LUC7L3: variants seen among roughly 807,000 people sequenced by gnomAD.
LUC7L3 encodes the protein LUC7 like 3 pre-mRNA splicing factor, also known as luc7-like protein 3.
Under a neutral mutation model 66.8 loss-of-function variants are expected in LUC7L3, and 6 were observed. That is an observed-to-expected ratio of 0.09 (90% CI 0.05 to 0.18). The LOEUF is 0.18. Ranked by LOEUF, LUC7L3 falls within the 10% of genes least tolerant of loss-of-function variation. LUC7L3 has a pLI of 1.00. For synonymous variants in LUC7L3, 160 were observed against 174.7 expected (o/e 0.92, Z 0.66); for missense variants, 341 against 531.1 (o/e 0.64, Z 3.52).
At chr17:50,727,406 G>A (rs150024484) in intron 1 of LUC7L3, among the ~76,000 whole-genome samples, 1 of 152,324 alleles carries the variant, frequency 6.6e-6, no homozygotes, top group Non-Finnish European at 1.5e-5. Context: ...CATGGCTAGA[G>A]TGCCAGGCTC....
intron 5 of LUC7L3, among the ~76,000 whole-genome samples, chr17:50,743,457 T>C (rs1393004025): frequency 2.0e-5 from 3 of 152,088 alleles, no homozygotes; most frequent in East Asian, 3.9e-4. Flanking sequence ...CTGCCCACCT[T>C]GGCCTCCCAA....
rs370919781 is a variant in LUC7L3 at position 50,750,542 on chromosome 17, G to A, written c.1180G>A (p.Gly394Ser). The change falls in exon 10 of 10, where the codon GGT becomes AGT. Residue 394 changes from glycine to serine, a missense_variant. By Grantham distance (56) the Gly-to-Ser change is moderately conservative. Around this residue, in one of 6 missense-constraint regions of LUC7L3, gnomAD observed 210 missense variants for 238.1 expected, o/e 0.88. Transcript: ENST00000505658. ...SDDKKSSVKS[G>S]SREKQSEDTN... ...TGATAAAAAAAGTAGTGTGAAGTCC[G>A]GTAGTCGAGAAAAGCAGAGTGAAGA... 6.2e-6 allele frequency: 10 copies of A among 1,613,934 alleles called. No homozygotes were observed. In the African/African-American group the frequency reaches 6.7e-5, roughly 11 times the overall value.
chr17:50,744,187 T>A (rs1036851869), intron 6 of LUC7L3, among the ~76,000 whole-genome samples: 61 of 152,252 alleles, frequency 4.0e-4, no homozygotes, highest in African/African-American at 1.4e-3. Flanking sequence ...CTAATTCTTT[T>A]AATTGGAGAA....
intron 1 of LUC7L3, among the ~76,000 whole-genome samples, chr17:50,731,832 A>T (rs1444582201): frequency 6.6e-6 from 1 of 152,204 alleles, no homozygotes; most frequent in Non-Finnish European, 1.5e-5. Context: ...GGCATGTGTT[A>T]TTTGGTTTAC....
chr17:50,746,859 T>G (rs1026390266), intron 9 of LUC7L3, among the ~76,000 whole-genome samples, 157 bp downstream of exon 9: 2 of 152,202 alleles, frequency 1.3e-5, no homozygotes, highest in African/African-American at 4.8e-5. Context: ...TTTCCCCCTC[T>G]CCTACTTAGA....
At chr17:50,738,055 G>A (rs1970093557) in intron 2 of LUC7L3, 1 of 418,690 alleles carries the variant, frequency 2.4e-6, no homozygotes, top group South Asian at 1.7e-5. Flanking sequence ...ATGTAAAACA[G>A]AGTAAATGAA....
intron 3 of LUC7L3, 126 bp downstream of exon 3, chr17:50,740,471 G>T: frequency 1.2e-6 from 1 of 845,496 alleles, no homozygotes; most frequent in South Asian, 1.7e-5. Flanking sequence ...CAGTGGCTGG[G>T]GATAGTAAGA....
At chr17:50,749,146 C>A in intron 9 of LUC7L3, 1 of 1,161,568 alleles carries the variant, frequency 8.6e-7, no homozygotes, top group Non-Finnish European at 1.1e-6. Flanking sequence ...TTCCTTTTTT[C>A]ATCCATAGCC....
chr17:50,734,702 A>G (rs1969862509), intron 1 of LUC7L3, among the ~76,000 whole-genome samples: 1 of 152,236 alleles, frequency 6.6e-6, no homozygotes. Flanking sequence ...AGAAAACAGT[A>G]GAAAGATACT....
At chr17:50,742,402 A>G (rs780657649) in intron 5 of LUC7L3, among the ~76,000 whole-genome samples, 7 of 152,072 alleles carry the variant, frequency 4.6e-5, no homozygotes, top group East Asian at 3.8e-4. Flanking sequence ...TTTGTCACCC[A>G]TGCTGGAGTG....
intron 6 of LUC7L3, 104 bp from the exon 7 acceptor site, chr17:50,744,548 G>A (rs1279568683): frequency 9.5e-7 from 1 of 1,047,130 alleles, no homozygotes; most frequent in Non-Finnish European, 1.4e-6. Context: ...AAATGGAAAA[G>A]AGCAATTCAC....
chr17:50,739,080 C>T (rs1970178304), intron 2 of LUC7L3, among the ~76,000 whole-genome samples: 2 of 152,090 alleles, frequency 1.3e-5, no homozygotes, highest in Non-Finnish European at 2.9e-5. Flanking sequence ...TTATCTCCCA[C>T]GGGCCTTTTC....
At chr17:50,740,015 G>C (rs1970245298) in intron 2 of LUC7L3, among the ~76,000 whole-genome samples, 1 of 152,070 alleles carries the variant, frequency 6.6e-6, no homozygotes, top group African/African-American at 2.4e-5. Flanking sequence ...TGGCAATAAG[G>C]AACAGTTTCC....
intron 1 of LUC7L3, chr17:50,724,129 T>C (rs1968993072): frequency 6.7e-6 from 2 of 300,436 alleles, no homozygotes; most frequent in Non-Finnish European, 1.3e-5. Context: ...ACATAGTCAA[T>C]ATTATTTCCT....
Position 50,725,798 on chromosome 17 carries a change from A to G in LUC7L3, c.99+5967A>G, listed in dbSNP as rs1969142247. Among the ~76,000 whole-genome samples the G allele has an allele frequency of 3.9e-5, 6 of 152,372 alleles. 1 individual carries two copies. The highest frequency in any genetic ancestry group is 3.9e-4 in the Admixed American group (6 of 15,306). On this transcript the variant is annotated intron_variant, in intron 1 of 9. Coordinates refer to ENST00000505658, the MANE Select transcript of LUC7L3 (RefSeq NM_016424.5). ...TCACAAATACATAAAATAGATGTATATACTAGTTTATCATTTTCCTACCAC... is the reference window on the plus strand; with the variant it reads ...TCACAAATACATAAAATAGATGTATGTACTAGTTTATCATTTTCCTACCAC...
chr17:50,744,883 C>A, intron 7 of LUC7L3, 70 bp downstream of exon 7: 4 of 1,252,274 alleles, frequency 3.2e-6, no homozygotes, highest in African/African-American at 1.5e-5. Flanking sequence ...GCGATCTCAG[C>A]TCACTGCCAC....
intron 1 of LUC7L3, among the ~76,000 whole-genome samples, chr17:50,720,171 A>G (rs556411715): frequency 1.3e-5 from 2 of 152,250 alleles, no homozygotes; most frequent in Admixed American, 6.5e-5. Context: ...GGAGAAGGGC[A>G]CATTTTTCTA....
At chr17:50,730,513 CAAAAAAAAAAAAAA>C (rs3063109) in intron 1 of LUC7L3, among the ~76,000 whole-genome samples, 3 of 59,090 alleles carry the variant, frequency 5.1e-5, no homozygotes, top group Non-Finnish European at 8.6e-5. Flanking sequence ...ACTCTGTCTC[CAAAAAAAAAAAAAA>C]AAAAAAAAAA....
At chr17:50,738,875 C>G (rs1970165007) in intron 2 of LUC7L3, among the ~76,000 whole-genome samples, 1 of 151,998 alleles carries the variant, frequency 6.6e-6, no homozygotes, top group Admixed American at 6.6e-5. Context: ...TAGGCATACC[C>G]CTGTGAAATT....
Sources: gnomAD v4.1 joint callset for allele counts (sites outside exome capture counted in the v4.1 genomes callset) on GRCh38, gnomAD v4.1.1 for gene constraint, gnomAD v4.1.1 regional missense constraint, MANE v1.5 for transcripts, NCBI Gene and HGNC (gene_info 2026-07-23, HGNC 2026-07-21) for gene names.